Variants in CNBD1 observed in about 807,000 individuals in gnomAD.
CNBD1 encodes cyclic nucleotide binding domain containing 1.
Under a neutral mutation model 54.4 loss-of-function variants are expected in CNBD1, and 71 were observed. The observed-to-expected ratio is 1.30, with a 90% confidence interval of 1.08 to 1.59. CNBD1 has a LOEUF of 1.59. CNBD1 is among the 40% of genes most tolerant of loss of function. CNBD1 has a pLI of 0.00. For missense variants in CNBD1, 659 were observed against 518.0 expected, an observed-to-expected ratio of 1.27 and a Z score of -2.64; for synonymous variants, 182 against 170.7, an observed-to-expected ratio of 1.07 and a Z score of -0.51.
intron 4 of CNBD1, among the ~76,000 whole-genome samples, chr8:87,018,101 G>C (rs1029401255): frequency 6.6e-6 from 1 of 152,102 alleles, no homozygotes; most frequent in Admixed American, 6.5e-5. Flanking sequence ...AAATTAGCCA[G>C]GCATGGTGGC....
chr8:87,360,351 G>A (rs1810501591), intron 10 of CNBD1, among the ~76,000 whole-genome samples: 1 of 151,838 alleles, frequency 6.6e-6, no homozygotes, highest in Non-Finnish European at 1.5e-5. Flanking sequence ...ACTTTTGGAA[G>A]TTAGGAAATA....
chr8:87,221,807 G>A (rs1456286208), intron 5 of CNBD1, among the ~76,000 whole-genome samples: 2 of 152,022 alleles, frequency 1.3e-5, no homozygotes, highest in Non-Finnish European at 2.9e-5. Context: ...CGTCCAGTTA[G>A]CTGTGTAATA....
intron 4 of CNBD1, among the ~76,000 whole-genome samples, chr8:87,057,324 G>A (rs1322921925): frequency 6.6e-6 from 1 of 152,138 alleles, no homozygotes; most frequent in Non-Finnish European, 1.5e-5. Flanking sequence ...CAGAATGAAG[G>A]TGGGAAAGGC....
chr8:87,312,228 G>C (rs1809282963), intron 8 of CNBD1, among the ~76,000 whole-genome samples: 1 of 151,904 alleles, frequency 6.6e-6, no homozygotes, highest in South Asian at 2.1e-4. Flanking sequence ...TCGATATTTT[G>C]ACATAATCTA....
chr8:87,351,944 T>C, intron 9 of CNBD1, 150 bp downstream of exon 9: 1 of 765,592 alleles, frequency 1.3e-6, no homozygotes, highest in Non-Finnish European at 1.8e-6. Flanking sequence ...TGTTTTTGGT[T>C]TAGTTATAAG....
intron 5 of CNBD1, among the ~76,000 whole-genome samples, chr8:87,232,746 C>G (rs1258447911): frequency 6.6e-6 from 1 of 151,966 alleles, no homozygotes; most frequent in Non-Finnish European, 1.5e-5. Flanking sequence ...TACTGTATCC[C>G]AAACCAACTT....
At chr8:87,214,650 T>A (rs889451720) in intron 5 of CNBD1, among the ~76,000 whole-genome samples, 1 of 152,178 alleles carries the variant, frequency 6.6e-6, no homozygotes, top group African/African-American at 2.4e-5. Context: ...GGGTAATTTA[T>A]AAAAGAAAGA....
chr8:87,346,094 T>C (rs1810170695), intron 8 of CNBD1, among the ~76,000 whole-genome samples: 1 of 152,114 alleles, frequency 6.6e-6, no homozygotes, highest in Non-Finnish European at 1.5e-5. Flanking sequence ...CAGGCTGGAA[T>C]GCAATGGCGA....
chr8:87,010,558 GC>G (rs1485927138), intron 4 of CNBD1, among the ~76,000 whole-genome samples: 1 of 152,106 alleles, frequency 6.6e-6, no homozygotes, highest in Non-Finnish European at 1.5e-5. Context: ...GACTAGACTT[GC>G]CAACATGGTG....
intron 4 of CNBD1, among the ~76,000 whole-genome samples, chr8:87,055,876 C>A (rs1810404669): frequency 7.5e-6 from 1 of 133,424 alleles, no homozygotes; most frequent in South Asian, 2.8e-4. Flanking sequence ...TCCCTCCCTG[C>A]TTGACCTTTC....
chr8:87,092,223 G>T (rs1278291211), intron 4 of CNBD1, among the ~76,000 whole-genome samples: 2 of 152,006 alleles, frequency 1.3e-5, no homozygotes, highest in Non-Finnish European at 2.9e-5. Flanking sequence ...TAATAGGGAA[G>T]TTCTTGCTTG....
intron 6 of CNBD1, among the ~76,000 whole-genome samples, chr8:87,275,412 G>T (rs1422681034): frequency 6.6e-6 from 1 of 151,898 alleles, no homozygotes; most frequent in Non-Finnish European, 1.5e-5. Context: ...CATGAGCATG[G>T]AATGTTCTTC....
intron 3 of CNBD1, among the ~76,000 whole-genome samples, chr8:86,923,439 G>C (rs1809308462): frequency 6.6e-6 from 1 of 152,154 alleles, no homozygotes; most frequent in South Asian, 2.1e-4. Flanking sequence ...GGCATGGGGA[G>C]ATACGGTTTT....
intron 10 of CNBD1, among the ~76,000 whole-genome samples, chr8:87,356,283 C>A (rs1378746755): frequency 6.6e-6 from 1 of 152,070 alleles, no homozygotes; most frequent in Non-Finnish European, 1.5e-5. Context: ...GTTTGAAAGT[C>A]TCATAAGAAG....
chr8:87,337,043 G>A (rs191603688), intron 8 of CNBD1, among the ~76,000 whole-genome samples: 1 of 152,218 alleles, frequency 6.6e-6, no homozygotes, highest in Non-Finnish European at 1.5e-5. Context: ...ACTCAAGGAG[G>A]CTGGAGAACA....
chr8:86,914,274 G>A (rs2131817847), intron 3 of CNBD1, among the ~76,000 whole-genome samples: 1 of 152,286 alleles, frequency 6.6e-6, no homozygotes, highest in East Asian at 1.9e-4. Flanking sequence ...AGTGATGAAT[G>A]TCCATGAAAT....
chr8:87,265,958 A>C (rs2130853342), intron 6 of CNBD1, among the ~76,000 whole-genome samples: 1 of 152,228 alleles, frequency 6.6e-6, no homozygotes, highest in Non-Finnish European at 1.5e-5. Flanking sequence ...CAGTTGGATA[A>C]TATCATTAAT....
At chr8:87,194,191 A>G (rs1411285909) in intron 4 of CNBD1, among the ~76,000 whole-genome samples, 1 of 152,224 alleles carries the variant, frequency 6.6e-6, no homozygotes, top group African/African-American at 2.4e-5. Flanking sequence ...CCCTAGTACC[A>G]AAATGGTTGG....
At chr8:86,879,660 A>G (rs1452602255) in intron 1 of CNBD1, among the ~76,000 whole-genome samples, 1 of 152,200 alleles carries the variant, frequency 6.6e-6, no homozygotes, top group African/African-American at 2.4e-5. Flanking sequence ...TCATGAGGTC[A>G]GGAGATCGAG....
Sources: allele counts gnomAD v4.1 joint callset (sites outside exome capture counted in the v4.1 genomes callset), GRCh38; gene constraint gnomAD v4.1.1; transcripts MANE v1.5; gene names NCBI Gene and HGNC (gene_info 2026-07-23, HGNC 2026-07-21).